ASIC2: variants seen among roughly 807,000 people sequenced by gnomAD.
The protein encoded by ASIC2 is acid-sensing ion channel 2.
ASIC2 carries 25 observed loss-of-function variants against 57.3 expected under a neutral mutation model. The observed-to-expected ratio is 0.44, with a 90% CI of 0.32 to 0.61. The LOEUF (loss-of-function observed/expected upper bound fraction) is 0.61, where lower values mean the gene tolerates loss of function less well. Among genes scored for constraint, ASIC2 ranks in the 20% least tolerant of loss-of-function variants. ASIC2 has a pLI of 0.06. For missense variants in ASIC2, 641 were observed against 738.1 expected (o/e 0.87, Z 1.52); for synonymous variants, 319 against 307.5 (o/e 1.04, Z -0.39).
chr17:33,724,734 T>C (rs531544570), intron 1 of ASIC2, among the ~76,000 whole-genome samples: 218 of 152,232 alleles, frequency 1.4e-3, no homozygotes, highest in African/African-American at 5.1e-3. Context: ...ACAGGTAAGT[T>C]TGATGCCCAT....
rs138228676 is a variant in ASIC2, at chr17:33,366,447, C to T, written c.556-254380G>A. On this transcript the variant is annotated intron_variant, in intron 1 of 9. Transcript: ENST00000359872. ...CCTTGCCTTGGTACCTGCACATGCA[C>T]TGCCTTCCTCTTCTCTCGTCATATT... Among the ~76,000 whole-genome samples the T allele has an allele frequency of 9.1e-3, 1,388 of 152,320 alleles. 8 individuals are homozygous for T. The highest frequency in any genetic ancestry group is 0.031 in the South Asian group (149 of 4,830).
chr17:33,567,743 G>C (rs774131623), intron 1 of ASIC2, among the ~76,000 whole-genome samples: 4 of 152,130 alleles, frequency 2.6e-5, no homozygotes, highest in Admixed American at 1.3e-4. Flanking sequence ...GGGAACAAGT[G>C]GGGGAGTGAG....
At chr17:33,512,637 A>G (rs1170453430) in intron 1 of ASIC2, among the ~76,000 whole-genome samples, 1 of 152,086 alleles carries the variant, frequency 6.6e-6, no homozygotes, top group Non-Finnish European at 1.5e-5. Context: ...TCACGTCTAC[A>G]CTCCTGCTTA....
intron 1 of ASIC2, chr17:34,120,208 TAAC>T (rs1200848893): frequency 6.6e-6 from 1 of 152,218 alleles, no homozygotes; most frequent in Non-Finnish European, 1.5e-5. Context: ...GGGAACTGGA[TAAC>T]AAAGTCATAA....
At chr17:33,447,337 T>C (rs551760422) in intron 1 of ASIC2, among the ~76,000 whole-genome samples, 7 of 152,268 alleles carry the variant, frequency 4.6e-5, no homozygotes, top group African/African-American at 1.7e-4. Flanking sequence ...TGCCTAGAGA[T>C]ACCACTAATC....
chr17:33,019,225 G>A (rs1469772658), intron 7 of ASIC2, among the ~76,000 whole-genome samples: 1 of 152,062 alleles, frequency 6.6e-6, no homozygotes, highest in African/African-American at 2.4e-5. Flanking sequence ...TATAAAAGCA[G>A]GCAGGAGGTC....
intron 1 of ASIC2, among the ~76,000 whole-genome samples, chr17:33,893,860 A>C (rs1915022713): frequency 6.6e-6 from 1 of 152,176 alleles, no homozygotes; most frequent in Non-Finnish European, 1.5e-5. Flanking sequence ...CAGCATTTCC[A>C]TCCTACCCTC....
chr17:34,022,814 T>A (rs961638239), intron 1 of ASIC2, among the ~76,000 whole-genome samples: 2 of 152,200 alleles, frequency 1.3e-5, no homozygotes, highest in Non-Finnish European at 2.9e-5. Context: ...TCCTCTGATA[T>A]GATTTGAATT....
At chr17:34,038,967 G>A (rs3744517) in intron 1 of ASIC2, 384,588 of 1,613,670 alleles carry the variant, frequency 0.24, 47,589 homozygotes, top group African/African-American at 0.38. Context: ...GCTCCGTGTC[G>A]GACGTAGTAA....
At chr17:33,296,917 G>A (rs77799089), upstream of ASIC2, among the ~76,000 whole-genome samples, 302 of 152,296 alleles carry the variant, frequency 2.0e-3, 1 homozygote, top group Non-Finnish European at 3.6e-3. Context: ...GTAGGAATCC[G>A]TTCAATACAT....
chr17:33,619,167 A>G (rs1905699179), intron 1 of ASIC2, among the ~76,000 whole-genome samples: 2 of 152,216 alleles, frequency 1.3e-5, no homozygotes, highest in African/African-American at 4.8e-5. Flanking sequence ...CGGATGAGTC[A>G]AACTTGTCTG....
At chr17:33,033,954 AG>A (rs2091897523) in intron 3 of ASIC2, among the ~76,000 whole-genome samples, 1 of 152,136 alleles carries the variant, frequency 6.6e-6, no homozygotes, top group South Asian at 2.1e-4. Context: ...AGCTGCAGAG[AG>A]GAGTACTCTC....
At chr17:33,443,667 C>T (rs1175513078) in intron 1 of ASIC2, among the ~76,000 whole-genome samples, 7 of 151,544 alleles carry the variant, frequency 4.6e-5, no homozygotes, top group African/African-American at 7.3e-5. Flanking sequence ...CCGCCCGCCT[C>T]GGCCTCCCAA....
rs139673851 is a variant in ASIC2 at position 33,716,862 on chromosome 17, C to T, written c.555+439116G>A. 9.8e-3 allele frequency among the ~76,000 whole-genome samples: 1,485 copies of T among 152,274 alleles called. 3 individuals carry two copies. The highest frequency in any genetic ancestry group is 0.019 in the South Asian group (91 of 4,824). On this transcript the variant is annotated intron_variant, in intron 1 of 9. Transcript: ENST00000359872. ...AACTATGAGGGCAGGAATGATGCCT[C>T]GCTCTGACTCTCTAACCTAACAAGG...
chr17:34,044,150 CAAG>C (rs1908247813), intron 1 of ASIC2, among the ~76,000 whole-genome samples: 2 of 150,270 alleles, frequency 1.3e-5, no homozygotes, highest in East Asian at 1.9e-4. Context: ...ACACACACAC[CAAG>C]AAGAAGGCCT....
At chr17:33,208,018 T>C (rs1907132747) in intron 1 of ASIC2, among the ~76,000 whole-genome samples, 1 of 152,242 alleles carries the variant, frequency 6.6e-6, no homozygotes, top group Non-Finnish European at 1.5e-5. Flanking sequence ...AGTCTGCTTC[T>C]AGAGGAGCCA....
intron 1 of ASIC2, among the ~76,000 whole-genome samples, chr17:33,656,296 G>T (rs1907073550): frequency 6.6e-6 from 1 of 152,100 alleles, no homozygotes; most frequent in Non-Finnish European, 1.5e-5. Flanking sequence ...AAGAGAATCA[G>T]ATTGACACCA....
intron 2 of ASIC2, among the ~76,000 whole-genome samples, chr17:33,102,973 C>G (rs557209854): frequency 6.6e-6 from 1 of 152,072 alleles, no homozygotes; most frequent in Non-Finnish European, 1.5e-5. Context: ...TCAGTAGAGA[C>G]AGGGTTTCAC....
intron 1 of ASIC2, among the ~76,000 whole-genome samples, chr17:33,933,515 CG>C (rs1219224302): frequency 6.6e-6 from 1 of 152,106 alleles, no homozygotes; most frequent in Non-Finnish European, 1.5e-5. Context: ...GAGGTGAGTA[CG>C]GGACAGAGCA....
Sources: allele counts gnomAD v4.1 joint callset (sites outside exome capture counted in the v4.1 genomes callset), GRCh38; gene constraint gnomAD v4.1.1; transcripts MANE v1.5; gene names NCBI Gene and HGNC (gene_info 2026-07-23, HGNC 2026-07-21).